Variants in CCNY observed in about 807,000 individuals in gnomAD.
CCNY encodes the protein cyclin Y.
In CCNY, 19 loss-of-function variants were observed where a neutral mutation model predicts 42.8. The ratio of observed to expected loss-of-function variants is 0.44; its 90% CI spans 0.31 to 0.65. The LOEUF (loss-of-function observed/expected upper bound fraction) is 0.65. Ranked by LOEUF, CCNY falls within the 30% of genes least tolerant of loss-of-function variation. CCNY has a pLI of 0.07. For synonymous variants in CCNY, 165 were observed against 162.7 expected, an observed-to-expected ratio of 1.01 and a Z score of -0.11; for missense variants, 370 against 437.3, an observed-to-expected ratio of 0.85 and a Z score of 1.37.
intron 1 of CCNY, among the ~76,000 whole-genome samples, chr10:35,388,162 C>T (rs1837336990): frequency 6.6e-6 from 1 of 152,240 alleles, no homozygotes; most frequent in South Asian, 2.1e-4. Context: ...GGGCTGTCTT[C>T]TGCAGCCTTT....
chr10:35,444,099 T>G (rs1838735546), intron 1 of CCNY, among the ~76,000 whole-genome samples: 1 of 150,536 alleles, frequency 6.6e-6, no homozygotes, highest in Non-Finnish European at 1.5e-5. Flanking sequence ...GGTTGATTTC[T>G]GCGACATTGA....
chr10:35,516,866 C>T (rs1449576746), intron 4 of CCNY, among the ~76,000 whole-genome samples: 2 of 151,760 alleles, frequency 1.3e-5, no homozygotes, highest in Non-Finnish European at 1.5e-5. Flanking sequence ...TTACATAGTA[C>T]TATTTACATT....
chr10:35,290,537 T>C (rs896866289), intron 3 of CCNY, among the ~76,000 whole-genome samples: 3 of 152,240 alleles, frequency 2.0e-5, no homozygotes, highest in African/African-American at 7.2e-5. Context: ...TTATTGTTTT[T>C]TATAATTTTT....
chr10:35,454,370 C>T (rs1352298983), intron 1 of CCNY, among the ~76,000 whole-genome samples: 2 of 152,214 alleles, frequency 1.3e-5, no homozygotes, highest in South Asian at 2.1e-4. Flanking sequence ...AGCGGTTCAG[C>T]GCAGGTTTAC....
intron 1 of CCNY, among the ~76,000 whole-genome samples, chr10:35,445,752 TTTTATGTAA>T: frequency 6.6e-6 from 1 of 152,364 alleles, no homozygotes; most frequent in Non-Finnish European, 1.5e-5. Context: ...TAAATAATCC[TTTTATGTAA>T]TAATCCTGCT....
intron 3 of CCNY, among the ~76,000 whole-genome samples, chr10:35,329,942 G>T (rs536315472): frequency 2.6e-5 from 4 of 152,332 alleles, no homozygotes; most frequent in African/African-American, 9.6e-5. Flanking sequence ...CTATTTTAAT[G>T]TCGAATTATA....
intron 1 of CCNY, among the ~76,000 whole-genome samples, chr10:35,393,977 A>G (rs935286602): frequency 4.6e-5 from 7 of 152,356 alleles, no homozygotes; most frequent in African/African-American, 1.7e-4. Flanking sequence ...ACAGCAAAAA[A>G]GAATGCAGTT....
At chr10:35,297,803 A>C (rs1835489195) in intron 3 of CCNY, among the ~76,000 whole-genome samples, 1 of 152,242 alleles carries the variant, frequency 6.6e-6, no homozygotes, top group Non-Finnish European at 1.5e-5. Context: ...AGATCTCTAC[A>C]AGAAGAATTA....
chr10:35,307,788 GTGTGTGTGTGTGTA>G (rs1427604099), intron 3 of CCNY, among the ~76,000 whole-genome samples: 25 of 80,374 alleles, frequency 3.1e-4, no homozygotes, highest in African/African-American at 1.3e-3. Flanking sequence ...GTGTGTGTGT[GTGTGTGTGTGTGTA>G]TATATATATA....
rs952347837 is a variant in CCNY, at chr10:35,436,707, G to A, written c.155-46697G>A. ...TGGTGGCTTTGACTTCTGTACGTTG[G>A]ATGAAAATGAAATCTGTACGTTGGA... On this transcript the variant is annotated intron_variant, in intron 1 of 9. Transcript: ENST00000374704. Among the ~76,000 whole-genome samples, 4 of 152,212 alleles carry A rather than the reference G, an allele frequency of 2.6e-5. No individual in the cohort carries two copies. The South Asian group carries it at 8.3e-4, about 32-fold the overall frequency.
chr10:35,398,960 G>T (rs964200359), intron 1 of CCNY, among the ~76,000 whole-genome samples: 2 of 152,170 alleles, frequency 1.3e-5, no homozygotes, highest in Non-Finnish European at 2.9e-5. Flanking sequence ...TCAGACATAC[G>T]CCGTGCTTGC....
chr10:35,473,802 C>A (rs1164162067), intron 1 of CCNY, among the ~76,000 whole-genome samples: 1 of 152,026 alleles, frequency 6.6e-6, no homozygotes, highest in Admixed American at 6.5e-5. Flanking sequence ...GCCAAGATGG[C>A]CGAATAGGAA....
At chr10:35,495,651 A>G (rs1029595676) in intron 2 of CCNY, among the ~76,000 whole-genome samples, 2 of 152,238 alleles carry the variant, frequency 1.3e-5, no homozygotes, top group Non-Finnish European at 2.9e-5. Flanking sequence ...AGTTCAGAGC[A>G]GGCCAGAGGT....
chr10:35,469,276 T>A (rs539712964), intron 1 of CCNY, among the ~76,000 whole-genome samples: 1 of 152,384 alleles, frequency 6.6e-6, no homozygotes, highest in Non-Finnish European at 1.5e-5. Context: ...ATATTTTAAC[T>A]CACATTACAA....
intron 3 of CCNY, among the ~76,000 whole-genome samples, chr10:35,512,752 G>A (rs1438382002): frequency 6.6e-6 from 1 of 152,148 alleles, no homozygotes; most frequent in African/African-American, 2.4e-5. Flanking sequence ...GCTGTCTGGT[G>A]GCCTCTGGGT....
At position 35,486,391 on chromosome 10, in the gene CCNY, G is replaced by A. The variant is rs185649096; in HGVS notation, c.229+2913G>A. Among the ~76,000 whole-genome samples the A allele has an allele frequency of 5.1e-4, 78 of 152,240 alleles. 1 individual carries two copies. The highest frequency in any genetic ancestry group is 2.4e-4 in the Non-Finnish European group (16 of 68,022). Reference sequence around the variant, plus strand: ...CACCATTGCATCCAGGCATTCCAAGGTGTACTCAGTTTCACCTCTTACCCA... The same window carrying A: ...CACCATTGCATCCAGGCATTCCAAGATGTACTCAGTTTCACCTCTTACCCA... On this transcript the variant is annotated intron_variant, in intron 2 of 9. Transcript: ENST00000374704.
intron 8 of CCNY, among the ~76,000 whole-genome samples, chr10:35,555,145 G>T (rs1191625813): frequency 6.6e-6 from 1 of 152,106 alleles, no homozygotes; most frequent in Non-Finnish European, 1.5e-5. Flanking sequence ...TTACAGATCT[G>T]GATACTGAGG....
At chr10:35,389,891 C>A (rs754779706) in intron 1 of CCNY, among the ~76,000 whole-genome samples, 23 of 151,552 alleles carry the variant, frequency 1.5e-4, no homozygotes, top group Non-Finnish European at 2.9e-4. Context: ...ATAAAGGCAT[C>A]GTCTGATATT....
intron 2 of CCNY, among the ~76,000 whole-genome samples, chr10:35,491,374 C>T (rs1206930619): frequency 6.6e-6 from 1 of 152,324 alleles, no homozygotes; most frequent in African/African-American, 2.4e-5. Flanking sequence ...TGCTCATTGA[C>T]TTGTGATGTA....
Sources: gnomAD v4.1 joint callset for allele counts (sites outside exome capture counted in the v4.1 genomes callset) on GRCh38, gnomAD v4.1.1 for gene constraint, MANE v1.5 for transcripts, NCBI Gene and HGNC (gene_info 2026-07-23, HGNC 2026-07-21) for gene names.